The following PPP2R3A variants were observed in gnomAD, a reference collection of about 807,000 sequenced individuals.
PPP2R3A encodes protein phosphatase 2 regulatory subunit B''alpha, also known as serine/threonine-protein phosphatase 2A regulatory subunit B'' subunit alpha.
A neutral mutation model predicts 106.9 loss-of-function variants in PPP2R3A; 80 were observed. The observed-to-expected ratio is 0.75, with a 90% confidence interval of 0.62 to 0.90. The LOEUF (loss-of-function observed/expected upper bound fraction) is 0.90. Ranked by LOEUF, PPP2R3A falls within the 40% of genes least tolerant of loss-of-function variation. The probability of loss-of-function intolerance (pLI) is 0.00; values close to 1 mark genes in which losing one functional copy is unlikely to be tolerated. For synonymous variants in PPP2R3A, 483 were observed against 468.3 expected, an observed-to-expected ratio of 1.03 and a Z score of -0.41; for missense variants, 1,386 against 1,350.4, an observed-to-expected ratio of 1.03 and a Z score of -0.41.
intron 3 of PPP2R3A, among the ~76,000 whole-genome samples, chr3:136,037,009 A>G (rs186863649): frequency 1.1e-4 from 16 of 152,350 alleles, no homozygotes; most frequent in African/African-American, 3.8e-4. Context: ...AAAGAGGAGA[A>G]GAGAGGCAAC....
chr3:136,096,003 G>T lies in PPP2R3A; in HGVS notation c.2927+5336G>T, dbSNP rs187007028. Among the ~76,000 whole-genome samples, 53 of 152,246 alleles carry T rather than the reference G, an allele frequency of 3.5e-4. No homozygotes were observed. In the East Asian group the frequency reaches 9.8e-3, roughly 28 times the overall value. ...CCTTAGTCTAGCCAGCCTTAAATAT[G>T]CTCAGAACACATCTTAGCCTACATT... is the stretch of plus-strand genomic sequence containing the variant. On this transcript the variant is annotated intron_variant, in intron 10 of 13. Transcript: ENST00000264977.
chr3:135,972,308 A>G (rs1263647665), intron 1 of PPP2R3A, among the ~76,000 whole-genome samples: 1 of 152,168 alleles, frequency 6.6e-6, no homozygotes, highest in African/African-American at 2.4e-5. Flanking sequence ...TCAGTACTTC[A>G]TTCTTTCTTT....
chr3:136,137,340 G>T (rs1408990782), intron 13 of PPP2R3A, among the ~76,000 whole-genome samples: 2 of 151,882 alleles, frequency 1.3e-5, no homozygotes, highest in African/African-American at 4.8e-5. Context: ...TTTATACTTG[G>T]TATATTTCTT....
chr3:136,063,431 TTAAAG>T (rs1936148727), intron 5 of PPP2R3A, among the ~76,000 whole-genome samples: 2 of 152,142 alleles, frequency 1.3e-5, no homozygotes, highest in South Asian at 4.1e-4. Context: ...TGGGATCTTT[TTAAAG>T]TAAAGAGCTT....
intron 4 of PPP2R3A, among the ~76,000 whole-genome samples, chr3:136,048,305 G>A (rs535178205): frequency 6.6e-6 from 1 of 152,258 alleles, no homozygotes; most frequent in South Asian, 2.1e-4. Flanking sequence ...AACCACAAGT[G>A]CAGGAATGGT....
chr3:136,006,963 G>A (rs1463073341), intron 2 of PPP2R3A, among the ~76,000 whole-genome samples: 1 of 152,136 alleles, frequency 6.6e-6, no homozygotes, highest in Non-Finnish European at 1.5e-5. Flanking sequence ...CACCAATAAG[G>A]GATAGAGAGT....
chr3:136,089,232 T>G (rs1937033159), intron 9 of PPP2R3A, among the ~76,000 whole-genome samples: 1 of 152,202 alleles, frequency 6.6e-6, no homozygotes, highest in Admixed American at 6.5e-5. Flanking sequence ...TATTTAAGTC[T>G]TTAATCCATT....
Position 136,146,067 on chromosome 3 carries a change from T to A in PPP2R3A, c.*901T>A, listed in dbSNP as rs1939109608. The A allele has an allele frequency of 6.6e-6, 1 of 152,124 alleles. No homozygotes were observed. The highest frequency in any genetic ancestry group is 1.5e-5 in the Non-Finnish European group (1 of 68,024). The allele number at this position is 152,124 out of a possible 1,614,324, so 9.4% of individuals were successfully genotyped here. A position where few individuals can be genotyped will look rare whatever the true frequency, so the allele number is the denominator to read the frequency against. On this transcript the variant is annotated 3_prime_UTR_variant, in exon 14 of 14. Coordinates refer to ENST00000264977, the MANE Select transcript of PPP2R3A (RefSeq NM_002718.5). ...TAGATATATTCCTTCCTCCCAGGAG[T>A]ATTAGACTAGCTAATAGTAAAGGCC...
In PPP2R3A at chr3:136,003,460, A is replaced by G; in HGVS notation, c.1962A>G (p.Ala654=). ...ATAAAGCCAAAGATACTACTTCAGC[A>G]GTTTTGATTCAGCAGACTCCAGAGG... is the stretch of plus-strand genomic sequence containing the variant. The part of the protein sequence containing the change: ...VGDKAKDTTS[A]VLIQQTPEVI... Residue 654 remains alanine, a synonymous_variant, in exon 2 of 14, where the codon GCA becomes GCG. Transcript: ENST00000264977. 1 of 1,612,862 alleles carries G rather than the reference A, an allele frequency of 6.2e-7. No individual in the cohort carries two copies.
chr3:136,131,646 A>C (rs1170325003), intron 13 of PPP2R3A, among the ~76,000 whole-genome samples: 7 of 152,212 alleles, frequency 4.6e-5, no homozygotes, highest in African/African-American at 1.7e-4. Flanking sequence ...CATTTGACCC[A>C]ACAATCCCAT....
At chr3:135,975,350 C>A (rs932295030) in intron 1 of PPP2R3A, among the ~76,000 whole-genome samples, 1 of 152,140 alleles carries the variant, frequency 6.6e-6, no homozygotes, top group Non-Finnish European at 1.5e-5. Flanking sequence ...CAGTGTTTCT[C>A]AGCCTTTGTC....
intron 13 of PPP2R3A, among the ~76,000 whole-genome samples, chr3:136,110,712 A>G (rs749607549): frequency 7.9e-5 from 12 of 152,334 alleles, no homozygotes; most frequent in South Asian, 2.1e-4. Flanking sequence ...TGAGCTATTC[A>G]TTTCATATTA....
intron 13 of PPP2R3A, among the ~76,000 whole-genome samples, chr3:136,143,781 ACTCCATCTC>A (rs1432788018): frequency 2.0e-5 from 3 of 152,108 alleles, no homozygotes; most frequent in Non-Finnish European, 4.4e-5. Flanking sequence ...ACACAGCGAG[ACTCCATCTC>A]AAAAGAAAAA....
chr3:136,090,543 G>C, intron 9 of PPP2R3A, 35 bp from the exon 10 acceptor site: 4 of 1,535,988 alleles, frequency 2.6e-6, no homozygotes, highest in Non-Finnish European at 3.6e-6. Flanking sequence ...CTGAGTAATT[G>C]CTCAGGAAAT....
At position 136,145,076 on chromosome 3, in the gene PPP2R3A, T is replaced by C. The variant is rs1939060591; in HGVS notation, c.3363T>C (p.Ser1121=). The change falls in exon 14 of 14, where the codon TCT becomes TCC. Residue 1121 remains serine, a synonymous_variant. Transcript: ENST00000264977. The stretch of plus-strand genomic sequence containing the variant: ...ATTATGAAACAGATGAACCTGCCTC[T>C]CCCTCTGAATTTGGAAACAAAAGCA... ...FEDYETDEPA[S]PSEFGNKSNK... The C allele has an allele frequency of 6.2e-7, 1 of 1,613,576 alleles. No individual in the cohort carries two copies.
intron 13 of PPP2R3A, among the ~76,000 whole-genome samples, chr3:136,112,318 T>A (rs561327952): frequency 6.6e-6 from 1 of 152,000 alleles, no homozygotes; most frequent in South Asian, 2.1e-4. Flanking sequence ...GAAAGAAAAC[T>A]CATCAAAATA....
At chr3:136,020,386 T>C (rs1034038328) in intron 2 of PPP2R3A, among the ~76,000 whole-genome samples, 2 of 152,130 alleles carry the variant, frequency 1.3e-5, no homozygotes, top group African/African-American at 4.8e-5. Flanking sequence ...CTGTGACATA[T>C]TTCTTTGATA....
At chr3:135,984,223 G>A (rs1322925170) in intron 1 of PPP2R3A, among the ~76,000 whole-genome samples, 1 of 152,074 alleles carries the variant, frequency 6.6e-6, no homozygotes, top group Non-Finnish European at 1.5e-5. Flanking sequence ...TTTAGGAACT[G>A]ACTACCCCAG....
At chr3:136,024,818 C>T (rs1934589691) in intron 2 of PPP2R3A, among the ~76,000 whole-genome samples, 1 of 152,086 alleles carries the variant, frequency 6.6e-6, no homozygotes, top group African/African-American at 2.4e-5. Context: ...TATAAATGGT[C>T]TAGGTAAAGC....
Sources: allele counts gnomAD v4.1 joint callset (sites outside exome capture counted in the v4.1 genomes callset), GRCh38; gene constraint gnomAD v4.1.1; transcripts MANE v1.5; gene names NCBI Gene and HGNC (gene_info 2026-07-23, HGNC 2026-07-21).